The following RBFOX1 variants were observed in gnomAD, a reference collection of about 807,000 sequenced individuals.
RBFOX1 encodes RNA binding protein fox-1 homolog 1.
In RBFOX1, 8 loss-of-function variants were observed where a neutral mutation model predicts 57.7. The ratio of observed to expected loss-of-function variants is 0.14; its 90% confidence interval spans 0.08 to 0.25. The LOEUF is 0.25. Ranked by LOEUF, RBFOX1 falls within the 10% of genes least tolerant of loss-of-function variation. The pLI, the probability that RBFOX1 is intolerant of heterozygous loss-of-function variation, is 1.00. For missense variants in RBFOX1, 611 were observed against 548.5 expected, an observed-to-expected ratio of 1.11 and a Z score of -1.14; for synonymous variants, 326 against 222.4, an observed-to-expected ratio of 1.47 and a Z score of -4.15.
rs1373907599 is a variant in RBFOX1, at chr16:5,956,639, AAT to A, written c.351+89321_351+89322del. Reference sequence around the variant, plus strand: ...ATTGGTAAATTCTTAGCAAAAAACAAATATATATATATATATATTTATATATA... The same window carrying A: ...ATTGGTAAATTCTTAGCAAAAAACAAATATATATATATATATTTATATATA... On this transcript the variant is annotated intron_variant, in intron 4 of 19. Transcript: ENST00000641259. Among the ~76,000 whole-genome samples, 111 of 123,512 alleles carry A rather than the reference AAT, an allele frequency of 9.0e-4. 1 individual carries two copies. The highest frequency in any genetic ancestry group is 3.8e-3 in the Middle Eastern group (1 of 262). The allele number at this position is 123,512 out of a possible 152,430, so 81.0% of individuals were successfully genotyped here.
At chr16:6,779,066 A>C (rs184651851) in intron 3 of RBFOX1, among the ~76,000 whole-genome samples, 1 of 152,180 alleles carries the variant, frequency 6.6e-6, no homozygotes, top group Non-Finnish European at 1.5e-5. Flanking sequence ...CATTATTGTT[A>C]ACTATAGTTG....
intron 4 of RBFOX1, among the ~76,000 whole-genome samples, chr16:7,295,322 G>A (rs903107581): frequency 4.6e-5 from 7 of 152,108 alleles, no homozygotes; most frequent in Admixed American, 2.6e-4. Context: ...TTCCATAAAT[G>A]TATTGACTTT....
chr16:7,143,783 A>G (rs2074339773), intron 4 of RBFOX1, among the ~76,000 whole-genome samples: 1 of 152,156 alleles, frequency 6.6e-6, no homozygotes, highest in Non-Finnish European at 1.5e-5. Context: ...CTGAGTATCT[A>G]CACTGTGCTT....
chr16:7,625,911 T>G (rs1282399219), intron 10 of RBFOX1, among the ~76,000 whole-genome samples: 1 of 152,190 alleles, frequency 6.6e-6, no homozygotes, highest in Non-Finnish European at 1.5e-5. Context: ...CTCATGAGGA[T>G]AGGAAGATAA....
At chr16:6,258,271 C>G (rs1237576494) in intron 1 of RBFOX1, among the ~76,000 whole-genome samples, 1 of 152,124 alleles carries the variant, frequency 6.6e-6, no homozygotes, top group African/African-American at 2.4e-5. Flanking sequence ...CATAATCAAC[C>G]AAAATAGCCC....
chr16:6,699,723 G>T (rs538993591), intron 3 of RBFOX1, among the ~76,000 whole-genome samples: 4 of 152,138 alleles, frequency 2.6e-5, no homozygotes, highest in Admixed American at 6.5e-5. Flanking sequence ...GAATGATCAG[G>T]CATGGCCGTT....
At chr16:7,707,937 AGTCAGTAT>A (rs1353167534) in intron 14 of RBFOX1, among the ~76,000 whole-genome samples, 1 of 152,208 alleles carries the variant, frequency 6.6e-6, no homozygotes, top group African/African-American at 2.4e-5. Flanking sequence ...CGTCAGCTTC[AGTCAGTAT>A]TAAGATAGCA....
intron 4 of RBFOX1, among the ~76,000 whole-genome samples, chr16:6,001,061 A>G (rs114270554): frequency 1.3e-3 from 196 of 152,234 alleles, no homozygotes; most frequent in African/African-American, 4.4e-3. Context: ...AGGTGGGTTG[A>G]TGGACAGATG....
upstream of RBFOX1, among the ~76,000 whole-genome samples, chr16:6,016,161 A>G (rs1276958862): frequency 6.6e-6 from 1 of 152,220 alleles, no homozygotes; most frequent in Non-Finnish European, 1.5e-5. Flanking sequence ...TTTTAGTTTA[A>G]TAGAAGAGAA....
intron 3 of RBFOX1, among the ~76,000 whole-genome samples, chr16:5,793,763 A>G (rs2054783620): frequency 6.6e-6 from 1 of 151,440 alleles, no homozygotes; most frequent in Admixed American, 6.6e-5. Context: ...GTGTGCATGC[A>G]TGCATGTGTG....
At chr16:6,885,550 G>C (rs1201849282) in intron 3 of RBFOX1, among the ~76,000 whole-genome samples, 1 of 142,432 alleles carries the variant, frequency 7.0e-6, no homozygotes, top group Admixed American at 7.0e-5. Context: ...TATTTTTTTT[G>C]AAATGGAGTC....
chr16:7,222,606 C>G (rs778512625), intron 4 of RBFOX1, among the ~76,000 whole-genome samples: 2 of 152,214 alleles, frequency 1.3e-5, no homozygotes, highest in Non-Finnish European at 2.9e-5. Flanking sequence ...TTCAAATCTC[C>G]TCTCTGCCGC....
intron 4 of RBFOX1, among the ~76,000 whole-genome samples, chr16:7,209,682 T>C (rs943111245): frequency 1.3e-5 from 2 of 152,232 alleles, no homozygotes; most frequent in Admixed American, 1.3e-4. Context: ...TTAATCCGTA[T>C]TTGGTTTGCT....
chr16:6,664,108 A>G (rs928367222), intron 3 of RBFOX1, among the ~76,000 whole-genome samples: 3 of 152,124 alleles, frequency 2.0e-5, no homozygotes, highest in African/African-American at 7.2e-5. Flanking sequence ...TTGCTCATAG[A>G]TCATGTTTAT....
At chr16:6,258,214 C>T (rs2097680515) in intron 1 of RBFOX1, among the ~76,000 whole-genome samples, 1 of 152,138 alleles carries the variant, frequency 6.6e-6, no homozygotes, top group South Asian at 2.1e-4. Context: ...CCATTAAAGA[C>T]ATTTGGAAAG....
intron 4 of RBFOX1, among the ~76,000 whole-genome samples, chr16:5,894,510 G>A (rs1274237497): frequency 6.6e-6 from 1 of 152,032 alleles, no homozygotes; most frequent in African/African-American, 2.4e-5. Flanking sequence ...CCTGACCTCA[G>A]ATAACCCACC....
chr16:6,583,930 A>G (rs2097570716), intron 2 of RBFOX1, among the ~76,000 whole-genome samples: 1 of 152,158 alleles, frequency 6.6e-6, no homozygotes, highest in Non-Finnish European at 1.5e-5. Context: ...AGACGATTGT[A>G]TCTTCATCAC....
At chr16:7,336,791 A>G (rs1208298615) in intron 4 of RBFOX1, among the ~76,000 whole-genome samples, 2 of 152,248 alleles carry the variant, frequency 1.3e-5, no homozygotes, top group Non-Finnish European at 2.9e-5. Context: ...TGTAAATTCC[A>G]AAAAGCTCTG....
At chr16:6,745,841 C>G (rs1023676457) in intron 3 of RBFOX1, among the ~76,000 whole-genome samples, 1 of 152,110 alleles carries the variant, frequency 6.6e-6, no homozygotes, top group Non-Finnish European at 1.5e-5. Context: ...AAAAAACTGT[C>G]TTTATTCATA....
Sources: gnomAD v4.1 joint callset for allele counts (sites outside exome capture counted in the v4.1 genomes callset) on GRCh38, gnomAD v4.1.1 for gene constraint, MANE v1.5 for transcripts, NCBI Gene and HGNC (gene_info 2026-07-23, HGNC 2026-07-21) for gene names.